The following EBF2 variants were observed in gnomAD, a reference collection of about 807,000 sequenced individuals.
The protein encoded by EBF2 is transcription factor COE2.
Under a neutral mutation model 72.8 loss-of-function variants are expected in EBF2, and 21 were observed. The observed-to-expected ratio is 0.29, with a 90% CI of 0.20 to 0.42. The LOEUF (loss-of-function observed/expected upper bound fraction) is 0.42. Ranked by LOEUF, EBF2 falls within the 10% of genes least tolerant of loss-of-function variation. The probability of loss-of-function intolerance (pLI) is 1.00; values close to 1 mark genes in which losing one functional copy is unlikely to be tolerated. For synonymous variants in EBF2, 299 were observed against 274.2 expected (o/e 1.09, Z -0.89); for missense variants, 637 against 731.2 (o/e 0.87, Z 1.49).
At chr8:25,903,462 C>T (rs1802988583) in intron 7 of EBF2, among the ~76,000 whole-genome samples, 1 of 152,006 alleles carries the variant, frequency 6.6e-6, no homozygotes, top group African/African-American at 2.4e-5. Flanking sequence ...TTGGGAGGCC[C>T]AGGCGGGTGG....
chr8:25,867,458 C>A (rs1176470532), intron 10 of EBF2, among the ~76,000 whole-genome samples: 1 of 152,126 alleles, frequency 6.6e-6, no homozygotes, highest in Non-Finnish European at 1.5e-5. Flanking sequence ...TTCTAGAAAC[C>A]CTCCCACCCA....
At chr8:25,858,169 C>G (rs534013268) in intron 14 of EBF2, 150 bp downstream of exon 14, 9 of 1,008,138 alleles carry the variant, frequency 8.9e-6, no homozygotes, top group Non-Finnish European at 1.4e-5. Flanking sequence ...GGGAAAAGAA[C>G]GAAAGGCAGG....
chr8:25,850,600 A>G lies in EBF2; in HGVS notation c.1690T>C (p.Phe564Leu). 6.4e-7 allele frequency: 1 copy of G among 1,559,144 alleles called. No individual in the cohort carries two copies. Among genetic ancestry groups the G allele is most frequent in the South Asian group, 1.2e-5 (1 of 82,270 alleles). ...PACSSGNGNG[F>L]RAMTGLVVPP... The stretch of plus-strand genomic sequence containing the variant: ...AAATAGAACCCTTGCTTACCTCTGA[A>G]TCCATTTCCATTGCCGCTGGAGCAG... The change falls in exon 15 of 16, where the codon TTC (phenylalanine) becomes CTC (leucine). Residue 564 changes from phenylalanine to leucine, a missense_variant. Coordinates refer to ENST00000520164, the MANE Select transcript of EBF2 (RefSeq NM_022659.4).
At chr8:26,002,362 T>C (rs941967336) in intron 6 of EBF2, among the ~76,000 whole-genome samples, 4 of 152,184 alleles carry the variant, frequency 2.6e-5, no homozygotes. Flanking sequence ...TTTGTCATCG[T>C]TAAGAGTATT....
chr8:26,002,231 T>A (rs1429037810), intron 6 of EBF2, among the ~76,000 whole-genome samples: 1 of 152,092 alleles, frequency 6.6e-6, no homozygotes, highest in African/African-American at 2.4e-5. Flanking sequence ...TGAAGTCTGC[T>A]GGTGGGGTGA....
At chr8:25,935,287 A>G (rs1296234424) in intron 6 of EBF2, among the ~76,000 whole-genome samples, 2 of 152,178 alleles carry the variant, frequency 1.3e-5, no homozygotes, top group Non-Finnish European at 2.9e-5. Flanking sequence ...GTCACTTTCA[A>G]TCAAGTGTCA....
rs79569091 is a variant in EBF2, at chr8:26,036,086, T to C, written c.483-2933A>G. On this transcript the variant is annotated intron_variant, in intron 5 of 15. Coordinates refer to ENST00000520164, the MANE Select transcript of EBF2 (RefSeq NM_022659.4). ...AACCTAACCCCAAATATGTGTGCAA[T>C]GCCGGGTACAATTTAATTACAAGAG... 5.3e-5 allele frequency among the ~76,000 whole-genome samples: 8 copies of C among 152,278 alleles called. No homozygotes were observed. The East Asian group carries it at 1.5e-3, about 29-fold the overall frequency.
chr8:25,961,917 A>G (rs1804041133), intron 6 of EBF2, among the ~76,000 whole-genome samples: 1 of 152,174 alleles, frequency 6.6e-6, no homozygotes. Flanking sequence ...CTTTCTGGAG[A>G]TTACAGCTTC....
chr8:25,903,246 C>A (rs1802984243), intron 7 of EBF2, among the ~76,000 whole-genome samples: 1 of 147,462 alleles, frequency 6.8e-6, no homozygotes, highest in African/African-American at 2.5e-5. Context: ...ATTCCCCAAG[C>A]AGGTCTCAAA....
chr8:25,898,126 G>C (rs553684522), intron 7 of EBF2, among the ~76,000 whole-genome samples: 2 of 152,112 alleles, frequency 1.3e-5, no homozygotes, highest in Non-Finnish European at 1.5e-5. Context: ...ATTATTGCAC[G>C]GTAATCTGTC....
At chr8:25,867,954 T>A (rs1224296923) in intron 10 of EBF2, among the ~76,000 whole-genome samples, 1 of 152,234 alleles carries the variant, frequency 6.6e-6, no homozygotes, top group African/African-American at 2.4e-5. Context: ...TTGTATTTGT[T>A]TAAAATTTCT....
intron 6 of EBF2, among the ~76,000 whole-genome samples, chr8:26,021,604 G>A (rs535421129): frequency 5.4e-4 from 82 of 152,304 alleles, no homozygotes; most frequent in African/African-American, 1.9e-3. Context: ...TTATTTTTCT[G>A]TGGAGGTATA....
At chr8:25,886,686 G>A (rs1477814109) in intron 10 of EBF2, 69 bp downstream of exon 10, 1 of 1,515,236 alleles carries the variant, frequency 6.6e-7, no homozygotes, top group African/African-American at 1.4e-5. Context: ...ATTACAAAGT[G>A]CAGATACTGG....
intron 6 of EBF2, among the ~76,000 whole-genome samples, chr8:26,030,588 C>T (rs1196925675): frequency 2.6e-5 from 4 of 151,762 alleles, no homozygotes; most frequent in Non-Finnish European, 5.9e-5. Context: ...AAAAGCCCTA[C>T]AATAAGCAAG....
chr8:25,972,706 C>T (rs77132301), intron 6 of EBF2, among the ~76,000 whole-genome samples: 7 of 152,072 alleles, frequency 4.6e-5, no homozygotes, highest in Non-Finnish European at 1.0e-4. Context: ...CCCAATGTTC[C>T]CGGGCACTGT....
At chr8:25,961,168 C>T (rs1456286639) in intron 6 of EBF2, among the ~76,000 whole-genome samples, 1 of 152,060 alleles carries the variant, frequency 6.6e-6, no homozygotes, top group Non-Finnish European at 1.5e-5. Flanking sequence ...GTGTGTGAAA[C>T]AAGCTAGAAT....
chr8:25,926,443 T>A (rs898995882), intron 6 of EBF2, among the ~76,000 whole-genome samples: 7 of 152,234 alleles, frequency 4.6e-5, no homozygotes, highest in African/African-American at 1.4e-4. Flanking sequence ...GATGATCAAG[T>A]CTCTAAGGAA....
chr8:25,866,004 G>A (rs1314679375), intron 10 of EBF2, among the ~76,000 whole-genome samples: 1 of 151,150 alleles, frequency 6.6e-6, no homozygotes, highest in East Asian at 2.0e-4. Context: ...CAGCCTGGGT[G>A]ACAGAGCAAG....
Position 25,960,844 on chromosome 8 carries a change from AAAGG to A in EBF2, c.552-52293_552-52290del, listed in dbSNP as rs144346837. Among the ~76,000 whole-genome samples, 68 of 152,358 alleles carry A rather than the reference AAAGG, an allele frequency of 4.5e-4. 1 individual carries two copies. In the East Asian group the frequency reaches 0.012, roughly 28 times the overall value. ...AATATGTAATTAATGAAGTCCACTT[AAAGG>A]TATCTTCCTTATCTCTTTCAATTCC... is the stretch of plus-strand genomic sequence containing the variant. On this transcript the variant is annotated intron_variant, in intron 6 of 15. Transcript: ENST00000520164.
Sources: gnomAD v4.1 joint callset for allele counts (sites outside exome capture counted in the v4.1 genomes callset) on GRCh38, gnomAD v4.1.1 for gene constraint, MANE v1.5 for transcripts, NCBI Gene and HGNC (gene_info 2026-07-23, HGNC 2026-07-21) for gene names.